ZNF547: variants seen among roughly 807,000 people sequenced by gnomAD.
ZNF547 encodes zinc finger protein 547.
Under a neutral mutation model 7.7 loss-of-function variants are expected in ZNF547, and 4 were observed. That is an observed-to-expected ratio of 0.52 (90% CI 0.26 to 1.20). ZNF547 has a LOEUF of 1.20. ZNF547 is among the 50% of genes most tolerant of loss of function. ZNF547 has a pLI of 0.14. For missense variants in ZNF547, 449 were observed against 485.8 expected (o/e 0.92, Z 0.71); for synonymous variants, 166 against 166.2 (o/e 1.00, Z 0.01).
At chr19:57,371,683 T>C (rs2088505217) in intron 2 of ZNF547, 99 bp from the exon 3 acceptor site, 1 of 1,502,298 alleles carries the variant, frequency 6.7e-7, no homozygotes, top group East Asian at 2.3e-5. Flanking sequence ...TTTGTCCCTG[T>C]GTTTAATGGG....
intron 1 of ZNF547, among the ~76,000 whole-genome samples, chr19:57,365,706 G>A (rs943843730): frequency 7.9e-5 from 12 of 151,320 alleles, no homozygotes; most frequent in African/African-American, 2.2e-4. Flanking sequence ...ACGGAGTTTC[G>A]CCATGTTGGT....
chr19:57,364,469 G>T, intron 1 of ZNF547: 1 of 323,032 alleles, frequency 3.1e-6, no homozygotes, highest in South Asian at 3.1e-5. Flanking sequence ...GTGGCCGGGC[G>T]TGGTGGCTCA....
rs1300054973 is a variant in ZNF547 at position 57,371,885 on chromosome 19, A to T, written c.128A>T (p.Asn43Ile). ...CTGTACCGTGATGTGATGCTGGAGA[A>T]TTTGGCCCTTTTGTCCTCACTAGGT... ...RLLYRDVMLE[N>I]LALLSSLGCC... Residue 43 changes from asparagine to isoleucine, a missense_variant, in exon 3 of 4, where the codon AAT (asparagine) becomes ATT (isoleucine). Physicochemically the swap from Asn to Ile is moderately radical, Grantham distance 149. Coordinates refer to ENST00000282282, the MANE Select transcript of ZNF547 (RefSeq NM_173631.4). The T allele has an allele frequency of 1.2e-6, 2 of 1,612,008 alleles. No individual in the cohort carries two copies. Among genetic ancestry groups the T allele is most frequent in the Admixed American group, 3.3e-5 (2 of 59,716 alleles).
intron 3 of ZNF547, among the ~76,000 whole-genome samples, chr19:57,374,258 C>T (rs1385758382): frequency 6.6e-6 from 1 of 152,230 alleles, no homozygotes; most frequent in East Asian, 1.9e-4. Context: ...TACCTTGCCC[C>T]TTTTAGCCAT....
intron 3 of ZNF547, among the ~76,000 whole-genome samples, chr19:57,375,879 T>C (rs368883905): frequency 6.1e-4 from 93 of 151,884 alleles, no homozygotes; most frequent in African/African-American, 2.2e-3. Context: ...AACCATTAGA[T>C]TGGCCGGGTG....
chr19:57,372,200 C>T (rs2088509216), intron 3 of ZNF547, among the ~76,000 whole-genome samples: 1 of 152,220 alleles, frequency 6.6e-6, no homozygotes, highest in Admixed American at 6.5e-5. Context: ...CATGAGACCT[C>T]TGTGCTCTGT....
At chr19:57,365,043 G>T in intron 1 of ZNF547, 1 of 1,611,976 alleles carries the variant, frequency 6.2e-7, no homozygotes, top group Non-Finnish European at 8.5e-7. Flanking sequence ...TCAACGAGTG[G>T]TTTGTGTCAG....
chr19:57,371,601 A>G, intron 2 of ZNF547, 181 bp from the exon 3 acceptor site: 1 of 933,960 alleles, frequency 1.1e-6, no homozygotes, highest in East Asian at 2.7e-5. Flanking sequence ...GGTTTGAGAA[A>G]GTTAGAGATG....
chr19:57,364,551 A>T, intron 1 of ZNF547: 1 of 471,684 alleles, frequency 2.1e-6, no homozygotes, highest in Non-Finnish European at 3.9e-6. Context: ...GACCAGCCTG[A>T]CCAACATGGT....
Position 57,377,997 on chromosome 19 carries a change from C to G in ZNF547, c.1021C>G (p.Gln341Glu). The G allele has an allele frequency of 6.2e-7, 1 of 1,613,924 alleles. No individual in the cohort carries two copies. Among genetic ancestry groups the G allele is most frequent in the Non-Finnish European group, 8.5e-7 (1 of 1,179,946 alleles). The stretch of plus-strand genomic sequence containing the variant: ...CTTCAGCTTGAAATCCGTCCTCATT[C>G]AACACCAAAGAGTTCACACTGGAGA... ...KFFSLKSVLIQHQRVHTGERP... is the reference protein window; with the variant it reads ...KFFSLKSVLIEHQRVHTGERP... The change falls in exon 4 of 4, where the codon CAA (glutamine) becomes GAA (glutamate). Residue 341 changes from glutamine to glutamate, a missense_variant. Gln to Glu is a conservative substitution (Grantham distance 29). Coordinates refer to ENST00000282282, the MANE Select transcript of ZNF547 (RefSeq NM_173631.4).
At chr19:57,369,608 A>C (rs528582723) in intron 2 of ZNF547, among the ~76,000 whole-genome samples, 2 of 152,072 alleles carry the variant, frequency 1.3e-5, no homozygotes, top group South Asian at 4.2e-4. Flanking sequence ...TGGGTCTCTT[A>C]CTGGGTAGCT....
chr19:57,364,746 A>G (rs2088450890), intron 1 of ZNF547: 1 of 1,131,436 alleles, frequency 8.8e-7, no homozygotes, highest in Non-Finnish European at 1.3e-6. Context: ...GTGTCAAAAA[A>G]AGGTGCGGAG....
At chr19:57,365,198 G>C in intron 1 of ZNF547, 1 of 1,590,436 alleles carries the variant, frequency 6.3e-7, no homozygotes, top group Non-Finnish European at 8.6e-7. Flanking sequence ...TCTCCTATTC[G>C]ATCAAGTGCA....
chr19:57,365,070 G>T (rs765039732), intron 1 of ZNF547: 1 of 1,610,592 alleles, frequency 6.2e-7, no homozygotes. Flanking sequence ...TCACCGCGGG[G>T]CATATGAGGT....
intron 1 of ZNF547, chr19:57,365,075 T>A (rs2088456144): frequency 6.2e-7 from 1 of 1,610,294 alleles, no homozygotes. Context: ...GCGGGGCATA[T>A]GAGGTTTATT....
At position 57,368,524 on chromosome 19, in the gene ZNF547, C is replaced by T. The variant is rs768515961; in HGVS notation, c.-12-20C>T. On this transcript the variant is annotated intron_variant, in intron 1 of 3. Transcript: ENST00000282282. ...TCTTCCCATCGTTGCCCATTTCTCA[C>T]GGTTTCCCTCTTCCTTCAGGGTCCC... is the stretch of plus-strand genomic sequence containing the variant. 57 of 1,613,678 alleles carry T rather than the reference C, an allele frequency of 3.5e-5. 2 individuals carry two copies. Among genetic ancestry groups the T allele is most frequent in the South Asian group, 3.0e-4 (27 of 91,050 alleles).
chr19:57,378,263 T>C lies in ZNF547; in HGVS notation c.*78T>C. 1 of 1,333,318 alleles carries C rather than the reference T, an allele frequency of 7.5e-7. No homozygotes were observed. The highest frequency in any genetic ancestry group is 1.0e-6 in the Non-Finnish European group (1 of 958,204). 82.6% of individuals were successfully genotyped at this position (1,333,318 alleles called of 1,614,324 possible). A position where few individuals can be genotyped will look rare whatever the true frequency, so the allele number is the denominator to read the frequency against. On this transcript the variant is annotated 3_prime_UTR_variant, in exon 4 of 4. Transcript: ENST00000282282. ...TGGCTGGACAGCAGGCAGTACACAC[T>C]GGAGAAAGACTGAATGCCGTGAACG... is the stretch of plus-strand genomic sequence containing the variant.
At chr19:57,373,609 A>T (rs1344672537) in intron 3 of ZNF547, among the ~76,000 whole-genome samples, 3 of 152,192 alleles carry the variant, frequency 2.0e-5, no homozygotes, top group Admixed American at 6.5e-5. Flanking sequence ...AAAGCAAGTT[A>T]GTTACTTCTA....
At chr19:57,374,346 C>G (rs1203213530) in intron 3 of ZNF547, among the ~76,000 whole-genome samples, 1 of 152,222 alleles carries the variant, frequency 6.6e-6, no homozygotes, top group Admixed American at 6.5e-5. Context: ...GGGCCAGCAG[C>G]TGGGATGCAG....
Sources: allele counts gnomAD v4.1 joint callset (sites outside exome capture counted in the v4.1 genomes callset), GRCh38; gene constraint gnomAD v4.1.1; transcripts MANE v1.5; gene names NCBI Gene and HGNC (gene_info 2026-07-23, HGNC 2026-07-21).